The following IRAK2 variants were observed in gnomAD, a reference collection of about 807,000 sequenced individuals.
IRAK2 encodes the protein interleukin 1 receptor associated kinase 2.
IRAK2 carries 57 observed loss-of-function variants against 72.0 expected under a neutral mutation model. That is an observed-to-expected ratio of 0.79 (90% CI 0.64 to 0.99). IRAK2 has a LOEUF of 0.99. Among genes scored for constraint, IRAK2 ranks in the 50% least tolerant of loss-of-function variants. The pLI is 0.00. For missense variants in IRAK2, 790 were observed against 794.4 expected (o/e 0.99, Z 0.07); for synonymous variants, 293 against 312.7 (o/e 0.94, Z 0.67).
In IRAK2 at chr3:10,236,274, C is replaced by T. The variant is rs934707869; in HGVS notation, c.1473+1615C>T. On this transcript the variant is annotated intron_variant, in intron 11 of 12. Coordinates refer to ENST00000256458, the MANE Select transcript of IRAK2 (RefSeq NM_001570.4). The stretch of plus-strand genomic sequence containing the variant: ...GCACAGTGGCTTGTGTTGGGTGTGT[C>T]GAGGAAGGAGTTGTCCAATGATAGA... 4.1e-5 allele frequency among the ~76,000 whole-genome samples: 6 copies of T among 146,308 alleles called. No individual in the cohort carries two copies. In the East Asian group the frequency reaches 8.3e-4, roughly 20 times the overall value.
At chr3:10,172,366 CA>C (rs1559437893) in intron 1 of IRAK2, among the ~76,000 whole-genome samples, 1 of 150,960 alleles carries the variant, frequency 6.6e-6, no homozygotes, top group Admixed American at 6.6e-5. Flanking sequence ...GACTCCGTCT[CA>C]AAAAAACAAA....
rs116906153 is a variant in IRAK2, at chr3:10,187,413, C to T, written c.277+9393C>T. On this transcript the variant is annotated intron_variant, in intron 2 of 12. Transcript: ENST00000256458. ...TCACCCTCTGGGTCAGACAGGAAGG[C>T]GGAATACTGCCTTTGTGTCCTAATT... Among the ~76,000 whole-genome samples, 446 of 152,264 alleles carry T rather than the reference C, an allele frequency of 2.9e-3. 10 individuals carry two copies. In the East Asian group the frequency reaches 0.05, roughly 17 times the overall value.
chr3:10,220,007 T>G (rs1324813141), intron 8 of IRAK2, among the ~76,000 whole-genome samples: 1 of 152,330 alleles, frequency 6.6e-6, no homozygotes, highest in East Asian at 1.9e-4. Context: ...GCTCTCAGGA[T>G]GAATTGCCTA....
chr3:10,198,216 AAAACAAAACG>A (rs1331109850), intron 2 of IRAK2, among the ~76,000 whole-genome samples: 2 of 152,240 alleles, frequency 1.3e-5, no homozygotes, highest in Non-Finnish European at 2.9e-5. Flanking sequence ...AAAACAAAAC[AAAACAAAACG>A]AAAATTTATT....
intron 3 of IRAK2, among the ~76,000 whole-genome samples, chr3:10,206,150 G>A (rs889173130): frequency 3.3e-5 from 5 of 152,200 alleles, no homozygotes; most frequent in Non-Finnish European, 7.4e-5. Context: ...CGCCATTTCC[G>A]AGGAAGGCTG....
In IRAK2 at chr3:10,239,031, C is replaced by T; in HGVS notation, c.1757C>T (p.Pro586Leu). The change falls in exon 12 of 13, where the codon CCC becomes CTC. Residue 586 changes from proline to leucine, a missense_variant. Physicochemically the swap from Pro to Leu is moderately conservative, Grantham distance 98 (BLOSUM62 -3). Transcript: ENST00000256458. ...GAGGCCTGTGTTGGCCTGGAGCCTC[C>T]CCAGGATGGTAAGCCGGAAGTCAGA... is the stretch of plus-strand genomic sequence containing the variant. The part of the protein sequence containing the change: ...SSEACVGLEP[P>L]QDVTETSWQI... The T allele has an allele frequency of 6.3e-7, 1 of 1,592,426 alleles. No homozygotes were observed. The highest frequency in any genetic ancestry group is 8.6e-7 in the Non-Finnish European group (1 of 1,168,780).
Position 10,219,857 on chromosome 3 carries a change from C to G in IRAK2, c.1013+68C>G, listed in dbSNP as rs557530734. On this transcript the variant is annotated intron_variant, in intron 8 of 12. Coordinates refer to ENST00000256458, the MANE Select transcript of IRAK2 (RefSeq NM_001570.4). The stretch of plus-strand genomic sequence containing the variant: ...GGGTGGAACTGGTGCCTATTCCTGG[C>G]TCACCTCCCGCTCCGCCACTCACCC... 5 of 1,052,634 alleles carry G rather than the reference C, an allele frequency of 4.7e-6. No homozygotes were observed. In the African/African-American group the frequency reaches 6.3e-5, roughly 13 times the overall value. The allele number at this position is 1,052,634 out of a possible 1,614,324, so 65.2% of individuals were successfully genotyped here.
rs1265367905 is a variant in IRAK2 at position 10,242,122 on chromosome 3, A to G, written c.1772A>G (p.Glu591Gly). 1.2e-6 allele frequency: 2 copies of G among 1,604,400 alleles called. No homozygotes were observed. The highest frequency in any genetic ancestry group is 3.3e-5 in the Admixed American group (2 of 59,738). Reference protein sequence around the residue: ...VGLEPPQDVTETSWQIEINEA... With the variant: ...VGLEPPQDVTGTSWQIEINEA... ...GCTTTCTGTTGAACATCAGTTACAG[A>G]AACTTCGTGGCAAATTGAGATCAAT... is the stretch of plus-strand genomic sequence containing the variant. The change falls in exon 13 of 13, where the codon GAA becomes GGA. Residue 591 changes from glutamate (E) to glycine (G), a missense_variant. Transcript: ENST00000256458.
At chr3:10,184,599 A>T (rs577869856) in intron 2 of IRAK2, among the ~76,000 whole-genome samples, 1 of 149,620 alleles carries the variant, frequency 6.7e-6, no homozygotes, top group African/African-American at 2.6e-5. Flanking sequence ...ACAGGAAGCC[A>T]CAATAAAAAA....
Position 10,213,251 on chromosome 3 carries a change from G to C in IRAK2, c.573G>C (p.Leu191Phe). 3 of 1,614,178 alleles carry C rather than the reference G, an allele frequency of 1.9e-6. No homozygotes were observed. Among genetic ancestry groups the C allele is most frequent in the Non-Finnish European group, 2.5e-6 (3 of 1,180,044 alleles). ...CTAAGCAGGAAAAACTTTTGAGCTT[G>C]GCTGGAGACAGCCTTTTCTGGAGTG... ...SIPKQEKLLS[L>F]AGDSLFWSEA... Residue 191 changes from leucine to phenylalanine, a missense_variant, in exon 5 of 13, where the codon TTG becomes TTC. Coordinates refer to ENST00000256458, the MANE Select transcript of IRAK2 (RefSeq NM_001570.4).
At chr3:10,209,386 C>T (rs1267725491) in intron 3 of IRAK2, among the ~76,000 whole-genome samples, 4 of 152,110 alleles carry the variant, frequency 2.6e-5, no homozygotes, top group African/African-American at 9.7e-5. Context: ...GATAAACAGG[C>T]CCCAGGTTGT....
At chr3:10,172,647 G>C (rs1696815512) in intron 1 of IRAK2, among the ~76,000 whole-genome samples, 1 of 148,394 alleles carries the variant, frequency 6.7e-6, no homozygotes, top group Non-Finnish European at 1.5e-5. Context: ...AGCCCAGCCT[G>C]GCCAACATAG....
chr3:10,206,716 C>T (rs1036933149), intron 3 of IRAK2, among the ~76,000 whole-genome samples: 17 of 152,080 alleles, frequency 1.1e-4, no homozygotes, highest in South Asian at 6.2e-4. Flanking sequence ...CCACCATGCC[C>T]GGCTAATTTT....
rs1158514657 is a variant in IRAK2, at chr3:10,177,869, G to A, written c.126G>A (p.Leu42=). Residue 42 remains leucine, a synonymous_variant, in exon 2 of 13, where the codon CTG becomes CTA. Coordinates refer to ENST00000256458, the MANE Select transcript of IRAK2 (RefSeq NM_001570.4). ...ASYVITDLTQ[L]RKIKSMERVQ... ...ACGTGATCACAGACCTGACCCAGCT[G>A]CGGAAGATCAAGTCCATGGAGCGGG... is the stretch of plus-strand genomic sequence containing the variant. The A allele has an allele frequency of 1.2e-6, 2 of 1,613,588 alleles. No individual in the cohort carries two copies. Among genetic ancestry groups the A allele is most frequent in the Non-Finnish European group, 1.7e-6 (2 of 1,180,042 alleles).
chr3:10,213,616 C>A, intron 6 of IRAK2, 68 bp downstream of exon 6: 1 of 1,240,582 alleles, frequency 8.1e-7, no homozygotes, highest in South Asian at 1.2e-5. Flanking sequence ...TGTGCCCAGT[C>A]ATGTTTTAAG....
At position 10,234,624 on chromosome 3, in the gene IRAK2, C is replaced by T. The variant is rs780819585; in HGVS notation, c.1438C>T (p.Leu480=). 6.2e-7 allele frequency: 1 copy of T among 1,613,364 alleles called. No individual in the cohort carries two copies. Among genetic ancestry groups the T allele is most frequent in the Non-Finnish European group, 8.5e-7 (1 of 1,179,910 alleles). ...CGAGGCCCTGGCCACGGCTGCCTGC[C>T]TGTGCCTGCGGAGGCGTAACACCAG... is the stretch of plus-strand genomic sequence containing the variant. ...CAEALATAAC[L]CLRRRNTSLQ... is the part of the protein sequence containing the mutation. Residue 480 remains leucine, a synonymous_variant, in exon 11 of 13, where the codon CTG becomes TTG. Coordinates refer to ENST00000256458, the MANE Select transcript of IRAK2 (RefSeq NM_001570.4).
intron 12 of IRAK2, among the ~76,000 whole-genome samples, chr3:10,240,906 T>G (rs990290085): frequency 4.6e-5 from 7 of 151,800 alleles, no homozygotes; most frequent in Admixed American, 1.3e-4. Context: ...TAAACATGGT[T>G]CAATGAATGT....
intron 2 of IRAK2, among the ~76,000 whole-genome samples, chr3:10,183,687 C>G (rs1158423147): frequency 6.6e-6 from 1 of 151,938 alleles, no homozygotes; most frequent in Non-Finnish European, 1.5e-5. Flanking sequence ...CACCACTGCA[C>G]TCCAGCCTGG....
At chr3:10,200,661 C>G in intron 3 of IRAK2, 146 bp downstream of exon 3, 1 of 604,064 alleles carries the variant, frequency 1.7e-6, no homozygotes, top group Non-Finnish European at 2.7e-6. Context: ...CTCCGTGAGG[C>G]TGAGGCGGGA....
Sources: gnomAD v4.1 joint callset for allele counts (sites outside exome capture counted in the v4.1 genomes callset) on GRCh38, gnomAD v4.1.1 for gene constraint, MANE v1.5 for transcripts, NCBI Gene and HGNC (gene_info 2026-07-23, HGNC 2026-07-21) for gene names.